HDAC9: variants seen among roughly 807,000 people sequenced by gnomAD.
The protein encoded by HDAC9 is histone deacetylase 9, also known as MEF-2 interacting transcription repressor (MITR) protein.
A neutral mutation model predicts 139.4 loss-of-function variants in HDAC9; 41 were observed. The observed-to-expected ratio is 0.29, with a 90% CI of 0.23 to 0.38. The LOEUF is 0.38. HDAC9 is among the 10% of genes least tolerant of loss of function. The pLI is 1.00. For synonymous variants in HDAC9, 517 were observed against 476.2 expected (o/e 1.09, Z -1.12); for missense variants, 1,147 against 1,297.0 (o/e 0.88, Z 1.78).
chr7:18,472,870 C>T (rs1293386806), intron 1 of HDAC9, among the ~76,000 whole-genome samples: 1 of 152,204 alleles, frequency 6.6e-6, no homozygotes, highest in Non-Finnish European at 1.5e-5. Context: ...GAGATCTTGT[C>T]TCTGGTTTAT....
chr7:18,685,589 G>A (rs1207705710), intron 12 of HDAC9, among the ~76,000 whole-genome samples: 1 of 151,854 alleles, frequency 6.6e-6, no homozygotes, highest in South Asian at 2.1e-4. Context: ...TTTCTTTTAT[G>A]TTCATATAAT....
intron 12 of HDAC9, among the ~76,000 whole-genome samples, chr7:18,684,325 A>G (rs1289560562): frequency 6.6e-6 from 1 of 151,098 alleles, no homozygotes; most frequent in Non-Finnish European, 1.5e-5. Flanking sequence ...TACTGACAAC[A>G]AAAACTTTCT....
Position 18,591,660 on chromosome 7 carries a change from C to T in HDAC9, c.542+18C>T, listed in dbSNP as rs886275182. On this transcript the variant is annotated intron_variant, in intron 5 of 25. Coordinates refer to ENST00000686413, the MANE Select transcript of HDAC9 (RefSeq NM_178425.4). ...TGGTACACGTATGTTCAGTGTTTGG[C>T]TGTTTTCATTCCTGGGGTAAAGAAC... 1 of 1,611,222 alleles carries T rather than the reference C, an allele frequency of 6.2e-7. No individual in the cohort carries two copies. Among genetic ancestry groups the T allele is most frequent in the Non-Finnish European group, 8.5e-7 (1 of 1,178,374 alleles).
At chr7:18,328,094 C>G (rs1361387311) in intron 1 of HDAC9, among the ~76,000 whole-genome samples, 2 of 151,812 alleles carry the variant, frequency 1.3e-5, no homozygotes, top group Non-Finnish European at 2.9e-5. Flanking sequence ...TTTTGGAGTT[C>G]ATTACAATAA....
At chr7:18,614,311 TTCC>T (rs1286631246) in intron 6 of HDAC9, among the ~76,000 whole-genome samples, 1 of 152,122 alleles carries the variant, frequency 6.6e-6, no homozygotes, top group Admixed American at 6.6e-5. Flanking sequence ...ACCGCAAGAC[TTCC>T]TCCTCCTCCT....
At chr7:18,721,049 A>C (rs1220804152) in intron 12 of HDAC9, among the ~76,000 whole-genome samples, 1 of 152,104 alleles carries the variant, frequency 6.6e-6, no homozygotes, top group African/African-American at 2.4e-5. Context: ...ACAAAAATGT[A>C]GTGTTTACAG....
chr7:18,840,734 T>C (rs1796531567), intron 21 of HDAC9, among the ~76,000 whole-genome samples: 2 of 152,092 alleles, frequency 1.3e-5, no homozygotes, highest in South Asian at 4.1e-4. Flanking sequence ...TGTCTTGAGT[T>C]CATATCTGTT....
chr7:18,365,952 G>GTT (rs552383215), intron 1 of HDAC9, among the ~76,000 whole-genome samples: 56 of 145,214 alleles, frequency 3.9e-4, no homozygotes, highest in Middle Eastern at 3.6e-3. Flanking sequence ...GTTTTCAGTT[G>GTT]TTTTTTTTTT....
At chr7:18,553,826 A>G (rs1288284499) in intron 2 of HDAC9, among the ~76,000 whole-genome samples, 1 of 152,212 alleles carries the variant, frequency 6.6e-6, no homozygotes, top group Non-Finnish European at 1.5e-5. Flanking sequence ...ATGGTGATGC[A>G]TAGTAAATAG....
chr7:18,121,995 A>C (rs1368737883), intron 1 of HDAC9, among the ~76,000 whole-genome samples: 1 of 151,828 alleles, frequency 6.6e-6, no homozygotes, highest in African/African-American at 2.4e-5. Flanking sequence ...ACCTTTTATG[A>C]AATGAAGGCA....
chr7:18,717,919 G>A (rs979460408), intron 12 of HDAC9, among the ~76,000 whole-genome samples: 1 of 152,072 alleles, frequency 6.6e-6, no homozygotes, highest in South Asian at 2.1e-4. Context: ...GAGATAGTGG[G>A]ATAGAAACTT....
chr7:18,293,879 G>A (rs972273509), intron 1 of HDAC9, among the ~76,000 whole-genome samples: 1 of 152,040 alleles, frequency 6.6e-6, no homozygotes, highest in Non-Finnish European at 1.5e-5. Context: ...ATTATTAAAT[G>A]TAAACATTTA....
chr7:18,903,463 C>G (rs1183823256), intron 22 of HDAC9, among the ~76,000 whole-genome samples: 1 of 152,176 alleles, frequency 6.6e-6, no homozygotes, highest in Non-Finnish European at 1.5e-5. Context: ...TCTTGTCAAT[C>G]TTTCAAATAG....
chr7:18,425,223 G>T (rs1790004128), intron 1 of HDAC9, among the ~76,000 whole-genome samples: 2 of 152,138 alleles, frequency 1.3e-5, no homozygotes, highest in African/African-American at 2.4e-5. Flanking sequence ...TCAGAAAAAT[G>T]CAAAATTATC....
chr7:18,987,413 A>G (rs1192757943), intron 25 of HDAC9, among the ~76,000 whole-genome samples: 1 of 152,220 alleles, frequency 6.6e-6, no homozygotes, highest in Non-Finnish European at 1.5e-5. Flanking sequence ...CCCAGGAATG[A>G]AGCCCACTTG....
chr7:18,510,860 T>C (rs1045079591), intron 2 of HDAC9, among the ~76,000 whole-genome samples: 1 of 152,104 alleles, frequency 6.6e-6, no homozygotes, highest in Non-Finnish European at 1.5e-5. Flanking sequence ...AAAGGAATGG[T>C]ATAGGGAATA....
At chr7:18,241,822 C>T (rs1794206385) in intron 2 of HDAC9, among the ~76,000 whole-genome samples, 1 of 152,108 alleles carries the variant, frequency 6.6e-6, no homozygotes, top group African/African-American at 2.4e-5. Flanking sequence ...GTGGCACTTG[C>T]TTCGTGAGCC....
At chr7:18,807,743 C>T (rs1279199003) in intron 17 of HDAC9, among the ~76,000 whole-genome samples, 1 of 152,074 alleles carries the variant, frequency 6.6e-6, no homozygotes, top group East Asian at 1.9e-4. Flanking sequence ...CAATTTTCCT[C>T]TGGTTATTGA....
At position 18,217,521 on chromosome 7, in the gene HDAC9, C is replaced by T; in HGVS notation, c.25+55172C>T. On this transcript the variant is annotated intron_variant, in intron 2 of 12. Coordinates refer to the HDAC9 transcript ENST00000417496. Reference sequence around the variant, plus strand: ...CTCTTATTTTTTATTTTCAAAGGACCTTTTTGGGTACTTTTAAAGTTTGCT... The same window carrying T: ...CTCTTATTTTTTATTTTCAAAGGACTTTTTTGGGTACTTTTAAAGTTTGCT... Among the ~76,000 whole-genome samples the T allele has an allele frequency of 1.3e-5, 2 of 151,806 alleles. 1 individual carries two copies. The highest frequency in any genetic ancestry group is 6.8e-3 in the Middle Eastern group (2 of 294).
Sources: gnomAD v4.1 joint callset for allele counts (sites outside exome capture counted in the v4.1 genomes callset) on GRCh38, gnomAD v4.1.1 for gene constraint, MANE v1.5 for transcripts, NCBI Gene and HGNC (gene_info 2026-07-23, HGNC 2026-07-21) for gene names.